The following ACKR3 variants were observed in gnomAD, a reference collection of about 807,000 sequenced individuals.
ACKR3 encodes the protein atypical chemokine receptor 3.
A neutral mutation model predicts 22.4 loss-of-function variants in ACKR3; 6 were observed. The ratio of observed to expected loss-of-function variants is 0.27; its 90% CI spans 0.15 to 0.53. The LOEUF (loss-of-function observed/expected upper bound fraction) is 0.53, where lower values mean the gene tolerates loss of function less well. ACKR3 is among the 20% of genes least tolerant of loss of function. ACKR3 has a pLI of 0.96. For missense variants in ACKR3, 396 were observed against 475.2 expected (o/e 0.83, Z 1.55); for synonymous variants, 209 against 205.2 (o/e 1.02, Z -0.16).
At position 236,579,373 on chromosome 2, in the gene ACKR3, G is replaced by T. The variant is rs141176834; in HGVS notation, c.-26-1067G>T. On this transcript the variant is annotated intron_variant, in intron 1 of 1. Transcript: ENST00000272928. ...CTTGGGCTGAGGTTTTCATTTTACA[G>T]TGGGGTTCAGGCAGGGCTAATTGCT... is the stretch of plus-strand genomic sequence containing the variant. Among the ~76,000 whole-genome samples the T allele has an allele frequency of 1.8e-3, 270 of 152,340 alleles. 1 individual carries two copies. The highest frequency in any genetic ancestry group is 2.2e-3 in the Non-Finnish European group (151 of 68,032).
upstream of ACKR3, among the ~76,000 whole-genome samples, chr2:236,567,208 C>A (rs1691204411): frequency 6.6e-6 from 1 of 152,166 alleles, no homozygotes; most frequent in African/African-American, 2.4e-5. Flanking sequence ...ACCATGTTGG[C>A]CTGGCTGGTC....
chr2:236,543,232 ATC>A, the ACKR3 span, among the ~76,000 whole-genome samples: 1 of 152,134 alleles, frequency 6.6e-6, no homozygotes, highest in African/African-American at 2.4e-5. Flanking sequence ...GCCTCTGGGG[ATC>A]TCTCTTGGAC....
At chr2:236,567,584 A>C (rs992193957), upstream of ACKR3, among the ~76,000 whole-genome samples, 1 of 152,194 alleles carries the variant, frequency 6.6e-6, no homozygotes, top group African/African-American at 2.4e-5. Context: ...TTTCTGGGAC[A>C]GGGTGGGAGG....
the ACKR3 span, among the ~76,000 whole-genome samples, chr2:236,541,962 T>C: frequency 4.0e-5 from 6 of 150,982 alleles, no homozygotes; most frequent in Admixed American, 1.3e-4. Flanking sequence ...CTTTTTTTTT[T>C]CCTTATAAAT....
At chr2:236,545,413 G>C in the ACKR3 span, among the ~76,000 whole-genome samples, 2 of 152,304 alleles carry the variant, frequency 1.3e-5, no homozygotes, top group South Asian at 4.1e-4. This position sits in a 1 kb window ranked among gnomAD's most constrained non-coding sequence, Gnocchi z 5.3. Context: ...ACATCACGTA[G>C]AAACTCAGGG....
intron 1 of ACKR3, among the ~76,000 whole-genome samples, chr2:236,570,199 G>C (rs1288368394): frequency 2.0e-5 from 3 of 152,194 alleles, no homozygotes; most frequent in Non-Finnish European, 4.4e-5. Flanking sequence ...TAGGAATCTG[G>C]TGTTTATTTG....
chr2:236,551,041 C>A, the ACKR3 span, among the ~76,000 whole-genome samples: 1 of 152,190 alleles, frequency 6.6e-6, no homozygotes, highest in African/African-American at 2.4e-5. Context: ...GTTTCTGCCT[C>A]AGTTTCCCTG....
At chr2:236,543,870 A>G in the ACKR3 span, among the ~76,000 whole-genome samples, 1 of 148,416 alleles carries the variant, frequency 6.7e-6, no homozygotes, top group Non-Finnish European at 1.5e-5. Flanking sequence ...CGTTATATCC[A>G]CGAATTGAAT....
Position 236,580,837 on chromosome 2 carries a change from C to T in ACKR3, c.372C>T (p.Phe124=). 1 of 1,614,232 alleles carries T rather than the reference C, an allele frequency of 6.2e-7. No individual in the cohort carries two copies. Among genetic ancestry groups the T allele is most frequent in the Non-Finnish European group, 8.5e-7 (1 of 1,180,050 alleles). ...CGTGCAAAGTCACACACCTCATCTT[C>T]TCCATCAACCTCTTCGGCAGCATTT... The part of the protein sequence containing the change: ...ELTCKVTHLI[F]SINLFGSIFF... Residue 124 remains phenylalanine (F), a synonymous_variant, in exon 2 of 2, where the codon TTC becomes TTT. Coordinates refer to ENST00000272928, the MANE Select transcript of ACKR3 (RefSeq NM_020311.3).
At chr2:236,546,828 C>T in the ACKR3 span, among the ~76,000 whole-genome samples, 2 of 152,246 alleles carry the variant, frequency 1.3e-5, no homozygotes, top group African/African-American at 4.8e-5. This position sits in a 1 kb window ranked among gnomAD's most constrained non-coding sequence, Gnocchi z 4.9. Flanking sequence ...AGCCCACTTC[C>T]TTTGCTCTGA....
At chr2:236,554,576 A>C in the ACKR3 span, among the ~76,000 whole-genome samples, 23 of 152,038 alleles carry the variant, frequency 1.5e-4, no homozygotes, top group Non-Finnish European at 3.4e-4. Context: ...GCACTGCAGC[A>C]CTCCCTGGGT....
At position 236,577,049 on chromosome 2, in the gene ACKR3, C is replaced by CA. The variant is rs1691425821; in HGVS notation, c.-26-3390dup. On this transcript the variant is annotated intron_variant, in intron 1 of 1. Transcript: ENST00000272928. The surrounding 1 kb of genome is among the most constrained non-coding windows in gnomAD (Gnocchi z 5.6). ...AGGCCCCGAGAGGAAAGCAGGTGGT[C>CA]AGGGTGTGGGCCTCTGGCTTTGTTT... Among the ~76,000 whole-genome samples the CA allele has an allele frequency of 6.6e-6, 1 of 152,132 alleles. No homozygotes were observed.
chr2:236,554,669 G>A, the ACKR3 span, among the ~76,000 whole-genome samples: 1 of 152,212 alleles, frequency 6.6e-6, no homozygotes, highest in African/African-American at 2.4e-5. Context: ...AAACAGCAGG[G>A]GGTGCAGGGA....
the ACKR3 span, among the ~76,000 whole-genome samples, chr2:236,552,143 C>T: frequency 6.6e-6 from 1 of 152,122 alleles, no homozygotes; most frequent in Non-Finnish European, 1.5e-5. Context: ...AGGGGATTTC[C>T]CAGAGCAAAA....
chr2:236,559,156 A>G, the ACKR3 span, among the ~76,000 whole-genome samples: 1 of 152,242 alleles, frequency 6.6e-6, no homozygotes, highest in Admixed American at 6.5e-5. Flanking sequence ...TTACTCAGAG[A>G]TCAGAAAAAT....
chr2:236,546,852 A>C, the ACKR3 span, among the ~76,000 whole-genome samples: 1 of 152,244 alleles, frequency 6.6e-6, no homozygotes, highest in Non-Finnish European at 1.5e-5. The surrounding 1 kb of genome is among the most constrained non-coding windows in gnomAD (Gnocchi z 4.9). Flanking sequence ...CACCCCAGTG[A>C]AAGCATGTTC....
the ACKR3 span, among the ~76,000 whole-genome samples, chr2:236,542,075 G>A: frequency 2.6e-5 from 4 of 152,124 alleles, no homozygotes; most frequent in Admixed American, 2.0e-4. Flanking sequence ...TGCTCTGTAT[G>A]CTACTGCAAG....
chr2:236,564,837 C>G (rs576506164), upstream of ACKR3, among the ~76,000 whole-genome samples: 5 of 152,200 alleles, frequency 3.3e-5, no homozygotes, highest in South Asian at 1.0e-3. Context: ...TCACAGCCAC[C>G]CTTAGGCAGG....
chr2:236,545,120 C>T, the ACKR3 span, among the ~76,000 whole-genome samples: 1 of 152,176 alleles, frequency 6.6e-6, no homozygotes, highest in Admixed American at 6.5e-5. This position sits in a 1 kb window ranked among gnomAD's most constrained non-coding sequence, Gnocchi z 5.3. Flanking sequence ...GCCTTCACTG[C>T]CCTTGGATTC....
Sources: gnomAD v4.1 joint callset for allele counts (sites outside exome capture counted in the v4.1 genomes callset) on GRCh38, gnomAD v4.1.1 for gene constraint, Gnocchi (gnomAD v3.1) non-coding constraint, MANE v1.5 for transcripts, NCBI Gene and HGNC (gene_info 2026-07-23, HGNC 2026-07-21) for gene names.